Variants in ZBTB9 observed in about 807,000 individuals in gnomAD.
ZBTB9 encodes the protein zinc finger and BTB domain containing 9.
ZBTB9 carries 17 observed loss-of-function variants against 26.3 expected under a neutral mutation model. The observed-to-expected ratio is 0.65, with a 90% CI of 0.44 to 0.97. ZBTB9 has a LOEUF of 0.97. Ranked by LOEUF, ZBTB9 falls within the 50% of genes least tolerant of loss-of-function variation. The probability of loss-of-function intolerance (pLI) is 0.00; values close to 1 mark genes in which losing one functional copy is unlikely to be tolerated. For missense variants in ZBTB9, 510 were observed against 594.2 expected (o/e 0.86, Z 1.47); for synonymous variants, 226 against 234.3 (o/e 0.96, Z 0.32).
At position 33,456,531 on chromosome 6, in the gene ZBTB9, G is replaced by T. The variant is rs776525995; in HGVS notation, c.*9G>T. 63 of 1,586,766 alleles carry T rather than the reference G, an allele frequency of 4.0e-5. No homozygotes were observed. The highest frequency in any genetic ancestry group is 5.2e-5 in the Non-Finnish European group (61 of 1,167,530). ...ACTGGACTTACAAGTGACTGCTGAG[G>T]CTATACACTAGCTTCTAGAACAAGA... is the stretch of plus-strand genomic sequence containing the variant. On this transcript the variant is annotated 3_prime_UTR_variant, in exon 2 of 2. Transcript: ENST00000395064. This position sits in a 1 kb window ranked among gnomAD's most constrained non-coding sequence, Gnocchi z 5.1.
Position 33,455,796 on chromosome 6 carries a change from T to A in ZBTB9, c.696T>A (p.Ser232=). The change falls in exon 2 of 2, where the codon TCT becomes TCA. Residue 232 remains serine (S), a synonymous_variant. Transcript: ENST00000395064. Reference sequence around the variant, plus strand: ...AGGACCAGGGGTCAGCCACACTCTCTCAGACTCCTCAGCCCCAGAGAGTAT... The same window carrying A: ...AGGACCAGGGGTCAGCCACACTCTCACAGACTCCTCAGCCCCAGAGAGTAT... ...DDEDQGSATL[S]QTPQPQRVSG... 9 of 1,611,464 alleles carry A rather than the reference T, an allele frequency of 5.6e-6. No individual in the cohort carries two copies. The highest frequency in any genetic ancestry group is 7.6e-6 in the Non-Finnish European group (9 of 1,178,452).
Position 33,455,699 on chromosome 6 carries a change from G to A in ZBTB9, c.599G>A (p.Gly200Glu), listed in dbSNP as rs1352239695. 1.2e-6 allele frequency: 2 copies of A among 1,614,196 alleles called. No homozygotes were observed. The highest frequency in any genetic ancestry group is 2.2e-5 in the South Asian group (2 of 91,088). Residue 200 changes from glycine (G) to glutamate (E), a missense_variant, in exon 2 of 2, where the codon GGA becomes GAA. By Grantham distance (98) the Gly-to-Glu change is moderately conservative (BLOSUM62 -2). Around this residue, in one of 2 missense-constraint regions of ZBTB9, gnomAD observed 439 missense variants for 460.4 expected, o/e 0.95. Transcript: ENST00000395064. Reference protein sequence around the residue: ...ASTESPVGGEGSELGEVLQIQ... With the variant: ...ASTESPVGGEESELGEVLQIQ... ...ACTGAGAGCCCTGTGGGAGGGGAGG[G>A]AAGTGAACTGGGAGAAGTGCTGCAA... is the stretch of plus-strand genomic sequence containing the variant.
At position 33,457,079 on chromosome 6, in the gene ZBTB9, T is replaced by C. The variant is rs767777429; in HGVS notation, c.*557T>C. The stretch of plus-strand genomic sequence containing the variant: ...GCCCCTCAGATTGTACCTTGCTTTC[T>C]CACCAATAGACACCTTCCCGACACT... On this transcript the variant is annotated 3_prime_UTR_variant, in exon 2 of 2. Coordinates refer to ENST00000395064, the MANE Select transcript of ZBTB9 (RefSeq NM_152735.4). 90 of 167,594 alleles carry C rather than the reference T, an allele frequency of 5.4e-4. 1 individual carries two copies. The highest frequency in any genetic ancestry group is 5.7e-4 in the Non-Finnish European group (39 of 68,378). 10.4% of individuals were successfully genotyped at this position (167,594 alleles called of 1,614,324 possible).
upstream of ZBTB9, chr6:33,454,232 G>T (rs960481585): frequency 1.3e-5 from 2 of 152,222 alleles, no homozygotes; most frequent in Non-Finnish European, 2.9e-5. Context: ...GGCCCACATG[G>T]TAAGTACCCA....
In ZBTB9 at chr6:33,456,212, T is replaced by TG; in HGVS notation, c.1113dup (p.Lys372GlufsTer28). 6.2e-7 allele frequency: 1 copy of TG among 1,610,898 alleles called. No individual in the cohort carries two copies. The highest frequency in any genetic ancestry group is 8.5e-7 in the Non-Finnish European group (1 of 1,178,794). The stretch of plus-strand genomic sequence containing the variant: ...GCAGGCCAGGCCGTGCATGGGCCTG[T>TG]GAAGCTAGGGGGGACACCCCCTGCA... On this transcript the variant is annotated frameshift_variant, in exon 2 of 2. Transcript: ENST00000395064. LOFTEE classifies it high-confidence loss of function. This position sits in a 1 kb window ranked among gnomAD's most constrained non-coding sequence, Gnocchi z 5.1.
Position 33,455,647 on chromosome 6 carries a change from T to TCTGCTTCTACTGAAAGCC in ZBTB9, c.555_572dup (p.Ala190_Pro195dup), listed in dbSNP as rs1474466287. Reference sequence around the variant, plus strand: ...GCCTTTCCAGACCCCAGTACAGTCCTCTGCTTCTACTGAAAGCCCTGCTTC... The same window carrying TCTGCTTCTACTGAAAGCC: ...GCCTTTCCAGACCCCAGTACAGTCCTCTGCTTCTACTGAAAGCCCTGCTTCTACTGAAAGCCCTGCTTC... On this transcript the variant is annotated inframe_insertion, in exon 2 of 2. Transcript: ENST00000395064. 6.2e-7 allele frequency: 1 copy of TCTGCTTCTACTGAAAGCC among 1,614,198 alleles called. No homozygotes were observed. The highest frequency in any genetic ancestry group is 1.7e-5 in the Admixed American group (1 of 60,030).
upstream of ZBTB9, chr6:33,453,936 G>A (rs1192066996): frequency 6.6e-6 from 1 of 152,138 alleles, no homozygotes; most frequent in Non-Finnish European, 1.5e-5. Flanking sequence ...CCGAGGCCAG[G>A]AACAGCGGCG....
rs940520371 is a variant in ZBTB9, at chr6:33,455,607, G to C, written c.507G>C (p.Trp169Cys). Residue 169 changes from tryptophan to cysteine, a missense_variant, in exon 2 of 2, where the codon TGG (tryptophan) becomes TGC (cysteine). Physicochemically the swap from Trp to Cys is radical, Grantham distance 215. Around this residue, in one of 2 missense-constraint regions of ZBTB9, gnomAD observed 439 missense variants for 460.4 expected, o/e 0.95. Coordinates refer to ENST00000395064, the MANE Select transcript of ZBTB9 (RefSeq NM_152735.4). The part of the protein sequence containing the change: ...LLSTTSSTGG[W>C]CIRSSPFQTP... ...CCACTACATCCTCTACAGGAGGCTG[G>C]TGCATTCGCTCTTCGCCTTTCCAGA... The C allele has an allele frequency of 3.1e-6, 5 of 1,613,946 alleles. No homozygotes were observed. In the African/African-American group the frequency reaches 4.0e-5, roughly 13 times the overall value.
At position 33,455,404 on chromosome 6, in the gene ZBTB9, C is replaced by G; in HGVS notation, c.304C>G (p.Leu102Val). 6.2e-7 allele frequency: 1 copy of G among 1,613,772 alleles called. No individual in the cohort carries two copies. The highest frequency in any genetic ancestry group is 1.1e-5 in the South Asian group (1 of 91,054). The change falls in exon 2 of 2, where the codon CTC (leucine) becomes GTC (valine). Residue 102 changes from leucine (L) to valine (V), a missense_variant. Physicochemically the swap from Leu to Val is conservative, Grantham distance 32. Around this residue, in one of 2 missense-constraint regions of ZBTB9, gnomAD observed 439 missense variants for 460.4 expected, o/e 0.95. Transcript: ENST00000395064. ...EADAFEGLLQLIYSGRLRLPL... is the reference protein window; with the variant it reads ...EADAFEGLLQVIYSGRLRLPL... ...CGATGCCTTCGAGGGGCTGCTCCAG[C>G]TCATTTATTCAGGGCGTCTCCGCCT...
At position 33,455,361 on chromosome 6, in the gene ZBTB9, A is replaced by G; in HGVS notation, c.261A>G (p.Leu87=). The G allele has an allele frequency of 6.2e-7, 1 of 1,614,014 alleles. No homozygotes were observed. The highest frequency in any genetic ancestry group is 1.1e-5 in the South Asian group (1 of 91,080). ...TGGGGGATGCGCCTCGTCTCACTCT[A>G]CCGAGTGTCATTGAAGCCGATGCCT... ...LLLGDAPRLT[L]PSVIEADAFE... The change falls in exon 2 of 2, where the codon CTA becomes CTG. Residue 87 remains leucine, a synonymous_variant. Coordinates refer to ENST00000395064, the MANE Select transcript of ZBTB9 (RefSeq NM_152735.4).
rs764341622 is a variant in ZBTB9, at chr6:33,456,423, C to T, written c.1323C>T (p.Pro441=). The stretch of plus-strand genomic sequence containing the variant: ...ATGCTGGAGCCCTGCATGCCTGTCC[C>T]CACTGTGGCCGTCGGTTCCGAGTCC... The part of the protein sequence containing the change: ...KTHAGALHAC[P]HCGRRFRVHA... Residue 441 remains proline (P), a synonymous_variant, in exon 2 of 2, where the codon CCC becomes CCT. Coordinates refer to ENST00000395064, the MANE Select transcript of ZBTB9 (RefSeq NM_152735.4). This position sits in a 1 kb window ranked among gnomAD's most constrained non-coding sequence, Gnocchi z 5.1. 66 of 1,614,056 alleles carry T rather than the reference C, an allele frequency of 4.1e-5. No individual in the cohort carries two copies. The Admixed American group carries it at 1.1e-3, about 26-fold the overall frequency.
Position 33,456,198 on chromosome 6 carries a change from C to T in ZBTB9, c.1098C>T (p.Ala366=), listed in dbSNP as rs145809824. 2.1e-3 allele frequency: 3,375 copies of T among 1,609,616 alleles called. 4 individuals are homozygous for T. The highest frequency in any genetic ancestry group is 2.6e-3 in the Non-Finnish European group (3,100 of 1,178,032). The change falls in exon 2 of 2, where the codon GCC becomes GCT. Residue 366 remains alanine (A), a synonymous_variant. Transcript: ENST00000395064. This position sits in a 1 kb window ranked among gnomAD's most constrained non-coding sequence, Gnocchi z 5.1. ...GAGGACCTGGGGGAGCAGGCCAGGC[C>T]GTGCATGGGCCTGTGAAGCTAGGGG... ...GGGGPGGAGQ[A]VHGPVKLGGT... is the part of the protein sequence containing the mutation.
chr6:33,456,191 G>A lies in ZBTB9; in HGVS notation c.1091G>A (p.Gly364Asp). Residue 364 changes from glycine (G) to aspartate (D), a missense_variant, in exon 2 of 2, where the codon GGC becomes GAC. Coordinates refer to ENST00000395064, the MANE Select transcript of ZBTB9 (RefSeq NM_152735.4). This position sits in a 1 kb window ranked among gnomAD's most constrained non-coding sequence, Gnocchi z 5.1. The part of the protein sequence containing the change: ...LSGGGGPGGA[G>D]QAVHGPVKLG... The stretch of plus-strand genomic sequence containing the variant: ...GGGGGTGGAGGACCTGGGGGAGCAG[G>A]CCAGGCCGTGCATGGGCCTGTGAAG... 1.2e-6 allele frequency: 2 copies of A among 1,609,178 alleles called. No individual in the cohort carries two copies. The highest frequency in any genetic ancestry group is 8.5e-7 in the Non-Finnish European group (1 of 1,177,652).
chr6:33,456,575 G>A lies in ZBTB9; in HGVS notation c.*53G>A. ...AACAAGATAACCACTGCTGCTGATG[G>A]ATACTTTTCCCTCACTGCCATGGCA... On this transcript the variant is annotated 3_prime_UTR_variant, in exon 2 of 2. Coordinates refer to ENST00000395064, the MANE Select transcript of ZBTB9 (RefSeq NM_152735.4). The surrounding 1 kb of genome is among the most constrained non-coding windows in gnomAD (Gnocchi z 5.1). 7.8e-6 allele frequency: 12 copies of A among 1,533,730 alleles called. No homozygotes were observed. Among genetic ancestry groups the A allele is most frequent in the Non-Finnish European group, 9.6e-6 (11 of 1,142,514 alleles).
Position 33,455,514 on chromosome 6 carries a change from T to C in ZBTB9, c.414T>C (p.Leu138=). ...TAGTAGATCAGTGCTCAGAAATTCT[T>C]AGAGAATTAGAAACTTCAGGTGGTG... ...WQVVDQCSEI[L]RELETSGGGI... is the part of the protein sequence containing the mutation. Residue 138 remains leucine (L), a synonymous_variant, in exon 2 of 2, where the codon CTT becomes CTC. Transcript: ENST00000395064. 1 of 1,614,174 alleles carries C rather than the reference T, an allele frequency of 6.2e-7. No individual in the cohort carries two copies. Among genetic ancestry groups the C allele is most frequent in the Non-Finnish European group, 8.5e-7 (1 of 1,180,014 alleles).
In ZBTB9 at chr6:33,456,162, G is replaced by T. The variant is rs1390802843; in HGVS notation, c.1062G>T (p.Leu354=). 1 of 1,608,958 alleles carries T rather than the reference G, an allele frequency of 6.2e-7. No homozygotes were observed. The highest frequency in any genetic ancestry group is 1.7e-5 in the Admixed American group (1 of 59,700). ...TGGATCTTCATGGGAATGAAATCCTGTCAGGGGGTGGAGGACCTGGGGGAG... is the reference window on the plus strand; with the variant it reads ...TGGATCTTCATGGGAATGAAATCCTTTCAGGGGGTGGAGGACCTGGGGGAG... ...KPVDLHGNEI[L]SGGGGPGGAG... Residue 354 remains leucine (L), a synonymous_variant, in exon 2 of 2, where the codon CTG becomes CTT. Coordinates refer to ENST00000395064, the MANE Select transcript of ZBTB9 (RefSeq NM_152735.4). This position sits in a 1 kb window ranked among gnomAD's most constrained non-coding sequence, Gnocchi z 5.1.
chr6:33,453,291 A>G (rs1302185592), upstream of ZBTB9: 1 of 152,606 alleles, frequency 6.6e-6, no homozygotes, highest in Non-Finnish European at 1.5e-5. Flanking sequence ...AATATGTGAA[A>G]TTTTATCCCT....
In ZBTB9 at chr6:33,455,898, G is replaced by A; in HGVS notation, c.798G>A (p.Glu266=). Residue 266 remains glutamate (E), a synonymous_variant, in exon 2 of 2, where the codon GAG becomes GAA. Transcript: ENST00000395064. ...CTCCCCGAAAGCTTCCAGAGGGTGA[G>A]AGTGCACCACTTGAGCTTCCTGCCC... ...TATPRKLPEG[E]SAPLELPAPP... The A allele has an allele frequency of 3.7e-6, 6 of 1,613,506 alleles. No individual in the cohort carries two copies. The highest frequency in any genetic ancestry group is 4.2e-6 in the Non-Finnish European group (5 of 1,179,702).
At chr6:33,453,494 C>T (rs558871238), upstream of ZBTB9, 1 of 149,852 alleles carries the variant, frequency 6.7e-6, no homozygotes, top group Non-Finnish European at 1.5e-5. Flanking sequence ...TCCCCACCCA[C>T]CACCTCAAGG....
Sources: allele counts gnomAD v4.1 joint callset, GRCh38; gene constraint gnomAD v4.1.1; regional missense constraint gnomAD v4.1.1; non-coding constraint Gnocchi (gnomAD v3.1); transcripts MANE v1.5; gene names NCBI Gene and HGNC (gene_info 2026-07-23, HGNC 2026-07-21).